The following SLC2A9 variants were observed in gnomAD, a reference collection of about 807,000 sequenced individuals.
SLC2A9 encodes solute carrier family 2, facilitated glucose transporter member 9.
In SLC2A9, 39 loss-of-function variants were observed where a neutral mutation model predicts 50.6. The ratio of observed to expected loss-of-function variants is 0.77; its 90% CI spans 0.60 to 1.01. The LOEUF (loss-of-function observed/expected upper bound fraction) is 1.01. SLC2A9 is among the 50% of genes least tolerant of loss of function. The pLI is 0.00. For missense variants in SLC2A9, 686 were observed against 677.6 expected, an observed-to-expected ratio of 1.01 and a Z score of -0.14; for synonymous variants, 324 against 276.9, an observed-to-expected ratio of 1.17 and a Z score of -1.69.
At chr4:9,861,174 T>C (rs1731565203) in intron 10 of SLC2A9, among the ~76,000 whole-genome samples, 2 of 152,180 alleles carry the variant, frequency 1.3e-5, no homozygotes, top group East Asian at 1.9e-4. Context: ...GGAAGCATGA[T>C]GCTGGCATCT....
At chr4:10,018,227 G>A (rs28607048) in intron 2 of SLC2A9, among the ~76,000 whole-genome samples, 1 of 152,206 alleles carries the variant, frequency 6.6e-6, no homozygotes, top group Admixed American at 6.5e-5. Context: ...AGATACCTGA[G>A]TGGCCTCTGG....
chr4:9,821,161 T>A (rs866158378), intron 3 of SLC2A9, among the ~76,000 whole-genome samples: 1 of 152,214 alleles, frequency 6.6e-6, no homozygotes, highest in African/African-American at 2.4e-5. Context: ...TCATCAAATG[T>A]TTCCCCTGTA....
At chr4:9,814,512 G>A (rs1164693894) in intron 3 of SLC2A9, among the ~76,000 whole-genome samples, 2 of 152,180 alleles carry the variant, frequency 1.3e-5, no homozygotes, top group Non-Finnish European at 2.9e-5. Context: ...GCCAAAAGTT[G>A]GTGGCTTAAA....
chr4:9,820,381 A>G (rs1159558230), intron 3 of SLC2A9, among the ~76,000 whole-genome samples: 3 of 152,190 alleles, frequency 2.0e-5, no homozygotes, highest in African/African-American at 7.2e-5. Flanking sequence ...AAATCTTAAA[A>G]TCGGGTAGTA....
intron 10 of SLC2A9, among the ~76,000 whole-genome samples, chr4:9,842,129 T>A (rs1728176706): frequency 6.6e-6 from 1 of 152,202 alleles, no homozygotes; most frequent in Non-Finnish European, 1.5e-5. Flanking sequence ...TTGGTATTGT[T>A]ATTGATTTTA....
At chr4:9,972,745 A>G (rs539940053) in intron 5 of SLC2A9, among the ~76,000 whole-genome samples, 1 of 152,324 alleles carries the variant, frequency 6.6e-6, no homozygotes. Flanking sequence ...TATTTGAAAT[A>G]AGTGAAAACA....
chr4:9,807,652 G>GTTAT (rs1021678749), intron 3 of SLC2A9, among the ~76,000 whole-genome samples: 1 of 152,212 alleles, frequency 6.6e-6, no homozygotes, highest in Non-Finnish European at 1.5e-5. Flanking sequence ...GCAAACTCAA[G>GTTAT]TAACTGATTT....
intron 11 of SLC2A9, among the ~76,000 whole-genome samples, chr4:9,834,366 G>A (rs867892772): frequency 2.6e-5 from 4 of 152,036 alleles, no homozygotes; most frequent in Non-Finnish European, 2.9e-5. Flanking sequence ...AATGAATTCG[G>A]TTTCCAATGA....
intron 5 of SLC2A9, among the ~76,000 whole-genome samples, chr4:9,951,433 CA>C (rs1368890151): frequency 6.6e-6 from 1 of 152,066 alleles, no homozygotes; most frequent in African/African-American, 2.4e-5. Context: ...CTAAAGTTAA[CA>C]AAAATGTATT....
At chr4:10,015,613 G>A (rs1762488873) in intron 2 of SLC2A9, among the ~76,000 whole-genome samples, 1 of 152,130 alleles carries the variant, frequency 6.6e-6, no homozygotes, top group Non-Finnish European at 1.5e-5. Context: ...GAGGTCATGG[G>A]GGCGGCCTCA....
At chr4:9,954,731 G>C (rs1320972608) in intron 5 of SLC2A9, among the ~76,000 whole-genome samples, 1 of 152,152 alleles carries the variant, frequency 6.6e-6, no homozygotes, top group Non-Finnish European at 1.5e-5. Flanking sequence ...ATGAGTAAAA[G>C]AGGTAGTGTC....
At chr4:9,911,238 G>C (rs944838677) in intron 7 of SLC2A9, among the ~76,000 whole-genome samples, 1 of 151,988 alleles carries the variant, frequency 6.6e-6, no homozygotes, top group Non-Finnish European at 1.5e-5. Flanking sequence ...ATCCTCTCCC[G>C]CTGCCCAGGG....
intron 3 of SLC2A9, among the ~76,000 whole-genome samples, chr4:9,801,013 C>A (rs1423455235): frequency 2.0e-5 from 3 of 152,126 alleles, no homozygotes; most frequent in African/African-American, 7.2e-5. Flanking sequence ...TACCATGACA[C>A]CAGCAGAAGT....
chr4:9,960,924 A>T (rs1752165942), intron 5 of SLC2A9, among the ~76,000 whole-genome samples: 1 of 152,226 alleles, frequency 6.6e-6, no homozygotes, highest in Non-Finnish European at 1.5e-5. Flanking sequence ...CATTTGGTGG[A>T]CACAGGATCT....
chr4:9,825,551 C>G (rs1039171964), downstream of SLC2A9, among the ~76,000 whole-genome samples: 3 of 151,490 alleles, frequency 2.0e-5, no homozygotes, highest in Non-Finnish European at 4.4e-5. Flanking sequence ...TTTTTCCCAC[C>G]AAGCCTAGGT....
At chr4:9,857,005 T>A (rs1730832719) in intron 10 of SLC2A9, among the ~76,000 whole-genome samples, 1 of 152,158 alleles carries the variant, frequency 6.6e-6, no homozygotes, top group Non-Finnish European at 1.5e-5. Flanking sequence ...ACAGGTACTA[T>A]ACTATGCTTA....
chr4:9,785,366 G>A (rs1389754523), intron 3 of SLC2A9, among the ~76,000 whole-genome samples: 1 of 152,214 alleles, frequency 6.6e-6, no homozygotes, highest in Non-Finnish European at 1.5e-5. Context: ...AGCTTCTCCT[G>A]TGCATGATGC....
intron 2 of SLC2A9, among the ~76,000 whole-genome samples, chr4:10,004,060 A>G (rs952721103): frequency 6.6e-6 from 1 of 152,184 alleles, no homozygotes; most frequent in Non-Finnish European, 1.5e-5. Flanking sequence ...CCATCTCTTA[A>G]CCATTACTTT....
At chr4:9,841,383 TCTTTC>T (rs1366448574) in intron 10 of SLC2A9, among the ~76,000 whole-genome samples, 2 of 152,120 alleles carry the variant, frequency 1.3e-5, no homozygotes, top group African/African-American at 2.4e-5. Context: ...TCTCTCCCTT[TCTTTC>T]CTTTCTTCTT....
Sources: allele counts gnomAD v4.1 joint callset (sites outside exome capture counted in the v4.1 genomes callset), GRCh38; gene constraint gnomAD v4.1.1; transcripts MANE v1.5; gene names NCBI Gene and HGNC (gene_info 2026-07-23, HGNC 2026-07-21).